LRP1B: variants seen among roughly 807,000 people sequenced by gnomAD.
The protein encoded by LRP1B is low-density lipoprotein receptor-related protein 1B.
Under a neutral mutation model 556.6 loss-of-function variants are expected in LRP1B, and 217 were observed. That is an observed-to-expected ratio of 0.39 (90% confidence interval 0.35 to 0.44). LRP1B has a LOEUF of 0.44. LRP1B is among the 20% of genes least tolerant of loss of function. The probability of loss-of-function intolerance (pLI) is 1.00; values close to 1 mark genes in which losing one functional copy is unlikely to be tolerated. For missense variants in LRP1B, 5,053 were observed against 5,620.8 expected (o/e 0.90, Z 3.23); for synonymous variants, 2,047 against 1,865.8 (o/e 1.10, Z -2.50).
At chr2:141,850,810 T>C (rs1021057927) in intron 1 of LRP1B, among the ~76,000 whole-genome samples, 5 of 151,686 alleles carry the variant, frequency 3.3e-5, no homozygotes, top group Admixed American at 2.0e-4. Flanking sequence ...AAGAATTTCC[T>C]GAAGCATGTA....
chr2:140,820,779 T>G (rs1482548374), intron 31 of LRP1B, among the ~76,000 whole-genome samples: 3 of 152,110 alleles, frequency 2.0e-5, no homozygotes, highest in Admixed American at 6.5e-5. Flanking sequence ...GCTAAATATT[T>G]CCTTATGTTA....
chr2:140,705,533 A>C (rs1344750513), intron 37 of LRP1B, among the ~76,000 whole-genome samples: 1 of 30,618 alleles, frequency 3.3e-5, no homozygotes, highest in African/African-American at 7.1e-5. Flanking sequence ...AAAAAAAAAA[A>C]AAAAAAAAAA....
At chr2:141,994,919 G>A (rs1212133587) in intron 1 of LRP1B, among the ~76,000 whole-genome samples, 1 of 152,018 alleles carries the variant, frequency 6.6e-6, no homozygotes, top group East Asian at 1.9e-4. Context: ...CTACCTGTGA[G>A]CGGTATGAAA....
chr2:140,722,627 A>G (rs993531724), intron 35 of LRP1B, among the ~76,000 whole-genome samples: 5 of 152,210 alleles, frequency 3.3e-5, no homozygotes, highest in African/African-American at 1.2e-4. Flanking sequence ...TTACCAGATA[A>G]GGGGCAAATG....
intron 85 of LRP1B, 55 bp from the exon 86 acceptor site, chr2:140,270,401 T>C (rs1682404171): frequency 8.9e-7 from 1 of 1,128,668 alleles, no homozygotes; most frequent in African/African-American, 1.5e-5. Flanking sequence ...ACATTATTGC[T>C]GAAAGCTGAC....
chr2:140,769,066 T>C, intron 35 of LRP1B, 147 bp downstream of exon 35: 1 of 718,382 alleles, frequency 1.4e-6, no homozygotes, highest in East Asian at 3.1e-5. Flanking sequence ...TAGAATAATT[T>C]ATGATTGGCC....
intron 56 of LRP1B, among the ~76,000 whole-genome samples, chr2:140,493,689 A>AT (rs1360508345): frequency 2.0e-5 from 3 of 151,950 alleles, no homozygotes; most frequent in Admixed American, 1.3e-4. Flanking sequence ...TTGAATGTGG[A>AT]TTTTTTATAA....
At chr2:141,917,057 A>T (rs1297388454) in intron 1 of LRP1B, among the ~76,000 whole-genome samples, 1 of 152,228 alleles carries the variant, frequency 6.6e-6, no homozygotes. Context: ...TGAACATATG[A>T]ATCACAGATA....
At chr2:140,777,853 T>C (rs1689552215) in intron 32 of LRP1B, among the ~76,000 whole-genome samples, 1 of 151,638 alleles carries the variant, frequency 6.6e-6, no homozygotes, top group Non-Finnish European at 1.5e-5. Context: ...GATCAGAAAA[T>C]ATGGTAGAGG....
intron 31 of LRP1B, among the ~76,000 whole-genome samples, chr2:140,826,192 A>G (rs533814971): frequency 1.3e-5 from 2 of 152,284 alleles, no homozygotes; most frequent in East Asian, 3.9e-4. Flanking sequence ...GCAACAAATA[A>G]CATATATGTA....
At chr2:141,915,420 C>G (rs1213243701) in intron 1 of LRP1B, among the ~76,000 whole-genome samples, 1 of 151,920 alleles carries the variant, frequency 6.6e-6, no homozygotes, top group Non-Finnish European at 1.5e-5. Context: ...TATGGTGAAC[C>G]TTTCACCATA....
At chr2:141,764,415 C>G (rs887691283) in intron 2 of LRP1B, among the ~76,000 whole-genome samples, 6 of 152,144 alleles carry the variant, frequency 3.9e-5, no homozygotes, top group Non-Finnish European at 8.8e-5. Context: ...ATCTCCTGAC[C>G]TCGTGATCCA....
chr2:140,663,299 G>A (rs889487283), intron 41 of LRP1B, among the ~76,000 whole-genome samples: 1 of 151,954 alleles, frequency 6.6e-6, no homozygotes, highest in Non-Finnish European at 1.5e-5. Flanking sequence ...CATCATCATC[G>A]AGTATTCACC....
intron 1 of LRP1B, among the ~76,000 whole-genome samples, chr2:141,898,743 A>G (rs1255765493): frequency 1.3e-5 from 2 of 152,154 alleles, no homozygotes; most frequent in African/African-American, 4.8e-5. Context: ...TGTGGCAGCA[A>G]GTGTTACATC....
intron 2 of LRP1B, among the ~76,000 whole-genome samples, chr2:141,746,882 A>G (rs74343154): frequency 0.073 from 11,069 of 152,262 alleles, 542 homozygotes; most frequent in Middle Eastern, 0.12. Context: ...TAAAATACAT[A>G]TAGATGCAAG....
intron 2 of LRP1B, 159 bp from the exon 3 acceptor site, chr2:141,480,692 G>T: frequency 1.4e-6 from 1 of 728,266 alleles, no homozygotes; most frequent in Non-Finnish European, 2.4e-6. Flanking sequence ...GTTAGCCTAT[G>T]TGATTAAACA....
At position 140,231,871 on chromosome 2, in the gene LRP1B, T is replaced by G. The variant is rs904151026; in HGVS notation, c.*1315A>C. ...CCTCCAAAACTTGTGAATAAATCTT[T>G]TGTGCCTTTAAAGATATTTGTATAA... On this transcript the variant is annotated 3_prime_UTR_variant, in exon 91 of 91. Transcript: ENST00000389484. 6.6e-6 allele frequency: 1 copy of G among 151,844 alleles called. No homozygotes were observed. The highest frequency in any genetic ancestry group is 1.5e-5 in the Non-Finnish European group (1 of 67,616). 9.4% of individuals were successfully genotyped at this position (151,844 alleles called of 1,614,324 possible). A position where few individuals can be genotyped will look rare whatever the true frequency, so the allele number is the denominator to read the frequency against.
At chr2:141,348,361 T>G (rs1277110538) in intron 3 of LRP1B, among the ~76,000 whole-genome samples, 1 of 151,992 alleles carries the variant, frequency 6.6e-6, no homozygotes, top group East Asian at 1.9e-4. Flanking sequence ...AATGTCTGAT[T>G]TTCTAAGCAC....
chr2:141,943,669 T>C lies in LRP1B; in HGVS notation c.83-133268A>G, dbSNP rs531845236. On this transcript the variant is annotated intron_variant, in intron 1 of 90. Transcript: ENST00000389484. Reference sequence around the variant, plus strand: ...GGAAAAACATCTATTAGAAAGTTTCTTGATCTATTTTTTTTTTTATTATTT... The same window carrying C: ...GGAAAAACATCTATTAGAAAGTTTCCTGATCTATTTTTTTTTTTATTATTT... Among the ~76,000 whole-genome samples the C allele has an allele frequency of 5.3e-5, 8 of 151,966 alleles. No individual in the cohort carries two copies. In the East Asian group the frequency reaches 5.8e-4, roughly 11 times the overall value.
Sources: allele counts gnomAD v4.1 joint callset (sites outside exome capture counted in the v4.1 genomes callset), GRCh38; gene constraint gnomAD v4.1.1; transcripts MANE v1.5; gene names NCBI Gene and HGNC (gene_info 2026-07-23, HGNC 2026-07-21).